ADCY2: variants seen among roughly 807,000 people sequenced by gnomAD.
ADCY2 encodes the protein adenylate cyclase 2.
In ADCY2, 31 loss-of-function variants were observed where a neutral mutation model predicts 125.2. That is an observed-to-expected ratio of 0.25 (90% CI 0.19 to 0.33). The LOEUF (loss-of-function observed/expected upper bound fraction) is 0.33. Among genes scored for constraint, ADCY2 ranks in the 10% least tolerant of loss-of-function variants. The probability of loss-of-function intolerance (pLI) is 1.00; values close to 1 mark genes in which losing one functional copy is unlikely to be tolerated. For missense variants in ADCY2, 904 were observed against 1,418.2 expected (o/e 0.64, Z 5.82); for synonymous variants, 512 against 548.4 (o/e 0.93, Z 0.93).
intron 2 of ADCY2, among the ~76,000 whole-genome samples, chr5:7,438,527 A>G (rs1470357463): frequency 1.3e-5 from 2 of 152,152 alleles, no homozygotes; most frequent in Non-Finnish European, 2.9e-5. Flanking sequence ...ACCAACATCT[A>G]CTATAAAGAG....
intron 2 of ADCY2, among the ~76,000 whole-genome samples, chr5:7,496,795 G>A (rs1046809233): frequency 6.6e-6 from 1 of 152,012 alleles, no homozygotes; most frequent in East Asian, 1.9e-4. Context: ...GGAACAAAAA[G>A]TTAGCAAATA....
At chr5:7,606,185 A>G (rs1210346292) in intron 3 of ADCY2, among the ~76,000 whole-genome samples, 2 of 152,172 alleles carry the variant, frequency 1.3e-5, no homozygotes, top group Admixed American at 1.3e-4. Flanking sequence ...TATTCACTTA[A>G]AGATTTATCA....
At chr5:7,814,453 A>AT (rs1745042306) in intron 22 of ADCY2, among the ~76,000 whole-genome samples, 1 of 151,972 alleles carries the variant, frequency 6.6e-6, no homozygotes, top group East Asian at 1.9e-4. Flanking sequence ...GGTGTTAAAC[A>AT]CGCTGTGATG....
intron 2 of ADCY2, among the ~76,000 whole-genome samples, chr5:7,477,914 C>G (rs1332444431): frequency 6.6e-6 from 1 of 152,064 alleles, no homozygotes; most frequent in Non-Finnish European, 1.5e-5. Flanking sequence ...GCAGTAATTA[C>G]TTTTTGTGAA....
In ADCY2 at chr5:7,652,213, C is replaced by G. The variant is rs190181461; in HGVS notation, c.720+25897C>G. On this transcript the variant is annotated intron_variant, in intron 4 of 24. Coordinates refer to ENST00000338316, the MANE Select transcript of ADCY2 (RefSeq NM_020546.3). ...CTGATCAACAGAACTATGAACAGTA[C>G]AAGTTTTAAATCATTCCCTGCTTAT... is the stretch of plus-strand genomic sequence containing the variant. Among the ~76,000 whole-genome samples, 57 of 152,274 alleles carry G rather than the reference C, an allele frequency of 3.7e-4. 1 individual carries two copies. In the East Asian group the frequency reaches 0.01, roughly 28 times the overall value.
chr5:7,518,918 C>T (rs535598649), intron 2 of ADCY2, among the ~76,000 whole-genome samples: 5 of 152,156 alleles, frequency 3.3e-5, no homozygotes, highest in African/African-American at 1.2e-4. Context: ...TGTCCTGCAC[C>T]CTCCACCTCC....
intron 14 of ADCY2, among the ~76,000 whole-genome samples, chr5:7,734,534 G>A (rs1274194382): frequency 1.3e-5 from 2 of 152,156 alleles, no homozygotes; most frequent in East Asian, 3.9e-4. Flanking sequence ...AAGACTCGAG[G>A]TTGTTTTTCA....
intron 17 of ADCY2, among the ~76,000 whole-genome samples, chr5:7,768,461 A>C (rs552870051): frequency 6.6e-6 from 1 of 152,236 alleles, no homozygotes; most frequent in East Asian, 1.9e-4. Context: ...CCGACCAAAC[A>C]GTCCCCCTTT....
At chr5:7,520,189 T>C (rs975446029) in intron 2 of ADCY2, among the ~76,000 whole-genome samples, 2 of 152,224 alleles carry the variant, frequency 1.3e-5, no homozygotes, top group Non-Finnish European at 2.9e-5. Flanking sequence ...CTGCTGTGTA[T>C]GTTTAACTTC....
chr5:7,398,505 A>G (rs1319601663), intron 1 of ADCY2, among the ~76,000 whole-genome samples: 1 of 152,176 alleles, frequency 6.6e-6, no homozygotes, highest in African/African-American at 2.4e-5. Context: ...AATCATTTTA[A>G]TGCTCCTCTT....
At chr5:7,724,450 A>G (rs899492430) in intron 12 of ADCY2, 95 bp from the exon 13 acceptor site, 13 of 958,242 alleles carry the variant, frequency 1.4e-5, no homozygotes, top group Middle Eastern at 4.2e-4. Context: ...ATGATACACA[A>G]TAAAGAAAGA....
At chr5:7,433,760 CAGAA>C (rs537659779) in intron 2 of ADCY2, among the ~76,000 whole-genome samples, 88 of 152,108 alleles carry the variant, frequency 5.8e-4, no homozygotes, top group Non-Finnish European at 1.0e-3. Context: ...ATGGAGAGCT[CAGAA>C]AGAGACTTGT....
At chr5:7,731,768 A>G (rs1023986045) in intron 14 of ADCY2, among the ~76,000 whole-genome samples, 2 of 151,300 alleles carry the variant, frequency 1.3e-5, no homozygotes, top group African/African-American at 4.9e-5. Flanking sequence ...TGCACCAGCT[A>G]ATTTTTGTAT....
intron 3 of ADCY2, among the ~76,000 whole-genome samples, chr5:7,622,594 A>G (rs975222762): frequency 6.6e-6 from 1 of 152,226 alleles, no homozygotes; most frequent in African/African-American, 2.4e-5. Context: ...TGACTCCAAG[A>G]AGGTTTTTCC....
chr5:7,728,203 C>T (rs1453804893), intron 14 of ADCY2, among the ~76,000 whole-genome samples: 4 of 152,078 alleles, frequency 2.6e-5, no homozygotes, highest in East Asian at 3.9e-4. Flanking sequence ...GATTGAGTAG[C>T]GTTTTGTCTC....
intron 2 of ADCY2, among the ~76,000 whole-genome samples, chr5:7,512,236 A>AAAAAAAAAAAC (rs1744093956): frequency 6.9e-6 from 1 of 145,792 alleles, no homozygotes; most frequent in Non-Finnish European, 1.5e-5. Flanking sequence ...AAAAAAAAAA[A>AAAAAAAAAAAC]AAAAGAAAAC....
chr5:7,689,501 G>C (rs894809179), intron 4 of ADCY2, among the ~76,000 whole-genome samples: 1 of 152,280 alleles, frequency 6.6e-6, no homozygotes, highest in South Asian at 2.1e-4. Context: ...TGTGTTTTCT[G>C]TTGCCTTTGC....
At chr5:7,673,257 A>ATATAT (rs1284363963) in intron 4 of ADCY2, among the ~76,000 whole-genome samples, 1 of 11,978 alleles carries the variant, frequency 8.3e-5, no homozygotes, top group Non-Finnish European at 1.7e-4. Flanking sequence ...AAAAAAAAAA[A>ATATAT]AAAAAAAAAA....
At chr5:7,728,444 C>A (rs1339570628) in intron 14 of ADCY2, among the ~76,000 whole-genome samples, 1 of 152,184 alleles carries the variant, frequency 6.6e-6, no homozygotes, top group Non-Finnish European at 1.5e-5. Context: ...CTCCTCTCCC[C>A]ATGATTGGAG....
Sources: gnomAD v4.1 joint callset for allele counts (sites outside exome capture counted in the v4.1 genomes callset) on GRCh38, gnomAD v4.1.1 for gene constraint, MANE v1.5 for transcripts, NCBI Gene and HGNC (gene_info 2026-07-23, HGNC 2026-07-21) for gene names.